The following TRIO variants were observed in gnomAD, a reference collection of about 807,000 sequenced individuals.
The protein encoded by TRIO is triple functional domain protein.
In TRIO, 58 loss-of-function variants were observed where a neutral mutation model predicts 351.9. The observed-to-expected ratio is 0.16, with a 90% CI of 0.13 to 0.21. The LOEUF is 0.21. TRIO is among the 10% of genes least tolerant of loss of function. The pLI is 1.00. For missense variants in TRIO, 3,201 were observed against 4,027.8 expected, an observed-to-expected ratio of 0.79 and a Z score of 5.56; for synonymous variants, 1,758 against 1,595.7, an observed-to-expected ratio of 1.10 and a Z score of -2.42.
chr5:14,180,128 A>AAAAAT (rs1789675064), intron 1 of TRIO, among the ~76,000 whole-genome samples: 1 of 150,126 alleles, frequency 6.7e-6, no homozygotes, highest in Non-Finnish European at 1.5e-5. Context: ...AAAAAAAAAA[A>AAAAAT]GATTAACTGT....
At chr5:14,232,216 A>AT (rs1368800980) in intron 1 of TRIO, among the ~76,000 whole-genome samples, 1 of 152,214 alleles carries the variant, frequency 6.6e-6, no homozygotes, top group African/African-American at 2.4e-5. Flanking sequence ...TATTTCTGCC[A>AT]TATGGGGGCT....
At chr5:14,489,063 G>A (rs368031530) in intron 48 of TRIO, 24 of 765,090 alleles carry the variant, frequency 3.1e-5, no homozygotes, top group Non-Finnish European at 4.3e-5. Flanking sequence ...CTTTCCTGAA[G>A]GCATGCGTGA....
At chr5:14,367,584 G>A (rs983123458) in intron 16 of TRIO, among the ~76,000 whole-genome samples, 1 of 152,166 alleles carries the variant, frequency 6.6e-6, no homozygotes, top group African/African-American at 2.4e-5. Context: ...CCAATTAACT[G>A]TCAGCATGTG....
Position 14,378,214 on chromosome 5 carries a change from C to T in TRIO, c.3447+87C>T, listed in dbSNP as rs373070452. On this transcript the variant is annotated intron_variant, in intron 20 of 56. Coordinates refer to ENST00000344204, the MANE Select transcript of TRIO (RefSeq NM_007118.4). ...GAGAGGCTGAGCTTGACATTTCCGC[C>T]ATCTTGAAAACCACTTTCTAATGAC... is the stretch of plus-strand genomic sequence containing the variant. The T allele has an allele frequency of 1.8e-4, 190 of 1,045,364 alleles. No homozygotes were observed. The East Asian group carries it at 2.7e-3, about 15-fold the overall frequency. 64.8% of individuals were successfully genotyped at this position (1,045,364 alleles called of 1,614,324 possible).
At chr5:14,430,984 TTAC>T (rs1751068496) in intron 34 of TRIO, among the ~76,000 whole-genome samples, 1 of 152,208 alleles carries the variant, frequency 6.6e-6, no homozygotes, top group Non-Finnish European at 1.5e-5. Flanking sequence ...AGTGCTGGGA[TTAC>T]AGGCATGAGC....
At chr5:14,447,103 G>A (rs1413954770) in intron 34 of TRIO, among the ~76,000 whole-genome samples, 1 of 152,098 alleles carries the variant, frequency 6.6e-6, no homozygotes, top group Non-Finnish European at 1.5e-5. Flanking sequence ...GTGGTGGCGG[G>A]CACCTATAAT....
chr5:14,156,226 C>T (rs758885382), intron 1 of TRIO, among the ~76,000 whole-genome samples: 3 of 152,112 alleles, frequency 2.0e-5, no homozygotes, highest in Admixed American at 2.0e-4. Flanking sequence ...ATAAACTGTT[C>T]CAGGTGCACC....
intron 41 of TRIO, 86 bp downstream of exon 41, chr5:14,477,049 T>C (rs1755134533): frequency 1.7e-6 from 2 of 1,178,290 alleles, no homozygotes; most frequent in Non-Finnish European, 2.5e-6. Flanking sequence ...AACTCACTTA[T>C]ACTTTATGTA....
intron 34 of TRIO, among the ~76,000 whole-genome samples, chr5:14,436,155 A>G (rs1193233076): frequency 6.6e-6 from 1 of 152,198 alleles, no homozygotes; most frequent in Non-Finnish European, 1.5e-5. Context: ...AAAGAGGTTT[A>G]TTGGACTTAC....
chr5:14,426,619 G>C (rs1441436534), intron 34 of TRIO, among the ~76,000 whole-genome samples: 1 of 152,194 alleles, frequency 6.6e-6, no homozygotes, highest in African/African-American at 2.4e-5. Context: ...TGGGATAGAG[G>C]AACTGCAGAC....
chr5:14,425,767 C>G (rs1201807831), intron 34 of TRIO, among the ~76,000 whole-genome samples: 1 of 152,164 alleles, frequency 6.6e-6, no homozygotes, highest in Non-Finnish European at 1.5e-5. Context: ...CCCTTTTGTC[C>G]TTCCGCCATG....
rs1481676323 is a variant in TRIO, at chr5:14,292,862, C to A, written c.1054-150C>A. On this transcript the variant is annotated intron_variant, in intron 5 of 56. Coordinates refer to ENST00000344204, the MANE Select transcript of TRIO (RefSeq NM_007118.4). ...AGTTCAGAACTGCTGACTTGTTCTT[C>A]GAAGTAAAGACTCTTCTGAGAGAAT... The A allele has an allele frequency of 7.3e-6, 8 of 1,099,508 alleles. No homozygotes were observed. In the African/African-American group the frequency reaches 9.4e-5, roughly 13 times the overall value. The allele number at this position is 1,099,508 out of a possible 1,614,324, so 68.1% of individuals were successfully genotyped here.
intron 11 of TRIO, among the ~76,000 whole-genome samples, chr5:14,340,732 T>C (rs1741869238): frequency 6.6e-6 from 1 of 152,210 alleles, no homozygotes; most frequent in East Asian, 1.9e-4. Flanking sequence ...GGAAGTCTTG[T>C]TGAAGACCAG....
chr5:14,470,415 C>T (rs1579750508), intron 37 of TRIO, among the ~76,000 whole-genome samples: 2 of 152,312 alleles, frequency 1.3e-5, no homozygotes, highest in South Asian at 4.1e-4. Context: ...CCAGTTCAAT[C>T]ATATCTATAT....
At chr5:14,201,117 G>A (rs920782609) in intron 1 of TRIO, among the ~76,000 whole-genome samples, 2 of 151,940 alleles carry the variant, frequency 1.3e-5, no homozygotes, top group Non-Finnish European at 2.9e-5. Context: ...AATTTTAGCC[G>A]GGCGTTGTGC....
chr5:14,231,410 A>G (rs879695412), intron 1 of TRIO, among the ~76,000 whole-genome samples: 3 of 152,258 alleles, frequency 2.0e-5, no homozygotes, highest in African/African-American at 4.8e-5. Context: ...GTAATGAGTC[A>G]TAATCACTAC....
At chr5:14,426,657 G>A (rs1034349705) in intron 34 of TRIO, among the ~76,000 whole-genome samples, 21 of 152,202 alleles carry the variant, frequency 1.4e-4, no homozygotes, top group Admixed American at 5.9e-4. Flanking sequence ...CCGTAGGCTC[G>A]GTAGAGAAAG....
chr5:14,405,074 CT>C (rs1444192593), intron 31 of TRIO, among the ~76,000 whole-genome samples: 1 of 151,648 alleles, frequency 6.6e-6, no homozygotes, highest in Non-Finnish European at 1.5e-5. Flanking sequence ...AAAAAACCTC[CT>C]TTGAGGCAGA....
intron 26 of TRIO, 95 bp from the exon 27 acceptor site, chr5:14,390,806 T>A: frequency 9.9e-7 from 1 of 1,015,126 alleles, no homozygotes. Flanking sequence ...GAGGCTTAAA[T>A]TTCCGTTATC....
Sources: gnomAD v4.1 joint callset for allele counts (sites outside exome capture counted in the v4.1 genomes callset) on GRCh38, gnomAD v4.1.1 for gene constraint, MANE v1.5 for transcripts, NCBI Gene and HGNC (gene_info 2026-07-23, HGNC 2026-07-21) for gene names.